PRMT3: variants seen among roughly 807,000 people sequenced by gnomAD.
The protein encoded by PRMT3 is protein arginine methyltransferase 3.
A neutral mutation model predicts 71.9 loss-of-function variants in PRMT3; 62 were observed. That is an observed-to-expected ratio of 0.86 (90% CI 0.70 to 1.07). The LOEUF is 1.07. Ranked by LOEUF, PRMT3 falls within the 50% of genes least tolerant of loss-of-function variation. The pLI is 0.00. For missense variants in PRMT3, 663 were observed against 643.0 expected, an observed-to-expected ratio of 1.03 and a Z score of -0.34; for synonymous variants, 213 against 220.4, an observed-to-expected ratio of 0.97 and a Z score of 0.30.
At chr11:20,468,855 CATT>C (rs1009238417) in intron 13 of PRMT3, among the ~76,000 whole-genome samples, 1 of 151,956 alleles carries the variant, frequency 6.6e-6, no homozygotes, top group African/African-American at 2.4e-5. Context: ...TCATGAAAAA[CATT>C]ATCTTCTGCA....
rs566925272 is a variant in PRMT3 at position 20,452,607 on chromosome 11, C to G, written c.1072+399C>G. ...GAAATTATTCACGACTTCACTAAAT[C>G]TGTAAACCCGACTTCTCTGTGATTT... On this transcript the variant is annotated intron_variant, in intron 11 of 15. Transcript: ENST00000331079. 7.9e-5 allele frequency among the ~76,000 whole-genome samples: 12 copies of G among 152,308 alleles called. No homozygotes were observed. The East Asian group carries it at 1.7e-3, about 22-fold the overall frequency.
At chr11:20,450,447 T>G (rs1850123322) in intron 10 of PRMT3, among the ~76,000 whole-genome samples, 1 of 152,144 alleles carries the variant, frequency 6.6e-6, no homozygotes. Context: ...TTGAATCCCA[T>G]AAGTCCCTTG....
intron 10 of PRMT3, among the ~76,000 whole-genome samples, chr11:20,451,342 CTTGG>C (rs1008827889): frequency 6.6e-6 from 1 of 151,792 alleles, no homozygotes; most frequent in Non-Finnish European, 1.5e-5. Context: ...GTGGGTAATA[CTTGG>C]TTAAAATATG....
At chr11:20,427,725 C>CG (rs1359923896) in intron 10 of PRMT3, among the ~76,000 whole-genome samples, 1 of 149,346 alleles carries the variant, frequency 6.7e-6, no homozygotes, top group Non-Finnish European at 1.5e-5. Context: ...GACTCCACCT[C>CG]GAAAAAAAAA....
At chr11:20,491,805 T>TGGGG (rs752254819) in intron 13 of PRMT3, among the ~76,000 whole-genome samples, 8 of 152,188 alleles carry the variant, frequency 5.3e-5, no homozygotes, top group Non-Finnish European at 1.2e-4. Context: ...ATGCGTAATT[T>TGGGG]GGGGGTTAGG....
At chr11:20,404,074 A>G (rs1299688547) in intron 8 of PRMT3, among the ~76,000 whole-genome samples, 1 of 152,046 alleles carries the variant, frequency 6.6e-6, no homozygotes, top group Admixed American at 6.6e-5. Flanking sequence ...CACCTCGTGA[A>G]AAGTTTATAA....
At chr11:20,465,295 G>A (rs1424641905) in intron 13 of PRMT3, among the ~76,000 whole-genome samples, 32 of 151,866 alleles carry the variant, frequency 2.1e-4, no homozygotes, top group Admixed American at 2.1e-3. Context: ...GCTGTCAGGA[G>A]ACTCAAATTG....
chr11:20,431,600 T>C (rs1241917954), intron 10 of PRMT3, among the ~76,000 whole-genome samples: 1 of 152,144 alleles, frequency 6.6e-6, no homozygotes, highest in Non-Finnish European at 1.5e-5. Context: ...TTCTTAGGGC[T>C]TCTCCCTTGC....
At chr11:20,430,566 T>C (rs1021934156) in intron 10 of PRMT3, among the ~76,000 whole-genome samples, 1 of 152,200 alleles carries the variant, frequency 6.6e-6, no homozygotes, top group African/African-American at 2.4e-5. Context: ...TTTAATTTTA[T>C]ATTTTCATTT....
chr11:20,502,852 G>A (rs189159287), intron 15 of PRMT3, among the ~76,000 whole-genome samples: 45 of 152,114 alleles, frequency 3.0e-4, no homozygotes, highest in East Asian at 9.6e-4. Context: ...GAGAAAAGAA[G>A]TAAGGTAAAT....
At chr11:20,473,223 A>C (rs12418799) in intron 13 of PRMT3, among the ~76,000 whole-genome samples, 1 of 151,410 alleles carries the variant, frequency 6.6e-6, no homozygotes, top group Non-Finnish European at 1.5e-5. Flanking sequence ...TTGTGTCTCT[A>C]TCTTCTTCAC....
In PRMT3 at chr11:20,408,018, AATGGAT is replaced by A; in HGVS notation, c.882_887del (p.Met294_Asp295del). On this transcript the variant is annotated inframe_deletion, in exon 9 of 16. Transcript: ENST00000331079. ...ATCAATCTGAAATACTTTACCAGGC[AATGGAT>A]ATTATAAGGTACATATATTTTAAGC... 1 of 1,579,536 alleles carries A rather than the reference AATGGAT, an allele frequency of 6.3e-7. No homozygotes were observed. The highest frequency in any genetic ancestry group is 8.7e-7 in the Non-Finnish European group (1 of 1,150,500).
intron 13 of PRMT3, among the ~76,000 whole-genome samples, chr11:20,480,676 A>T (rs1430029427): frequency 6.6e-6 from 1 of 152,188 alleles, no homozygotes; most frequent in Non-Finnish European, 1.5e-5. Flanking sequence ...GCAGTGACTT[A>T]CACAAAGGCA....
At chr11:20,428,135 T>C (rs1849585973) in intron 10 of PRMT3, among the ~76,000 whole-genome samples, 1 of 152,114 alleles carries the variant, frequency 6.6e-6, no homozygotes, top group Non-Finnish European at 1.5e-5. Flanking sequence ...TTAGTCACAA[T>C]ATCAGTATTC....
chr11:20,392,855 T>C, intron 4 of PRMT3, 42 bp from the exon 5 acceptor site: 1 of 1,254,022 alleles, frequency 8.0e-7, no homozygotes. Context: ...GATTTTGTGA[T>C]TATATGTAAT....
chr11:20,503,700 A>G (rs1422812802), intron 15 of PRMT3, among the ~76,000 whole-genome samples: 1 of 151,126 alleles, frequency 6.6e-6, no homozygotes, highest in Non-Finnish European at 1.5e-5. Context: ...TCCTTTGGCT[A>G]TGCCACAGTT....
chr11:20,458,906 A>T (rs561325655), intron 11 of PRMT3, among the ~76,000 whole-genome samples: 1 of 152,058 alleles, frequency 6.6e-6, no homozygotes, highest in Non-Finnish European at 1.5e-5. Context: ...GTAAGTTACA[A>T]TTTTTTCTTA....
intron 15 of PRMT3, among the ~76,000 whole-genome samples, chr11:20,504,708 G>C (rs1326571985): frequency 4.0e-5 from 1 of 24,816 alleles, no homozygotes; most frequent in Non-Finnish European, 1.1e-4. Context: ...GTGTGTGTGT[G>C]AGAGAGAGAG....
chr11:20,494,337 G>T, intron 15 of PRMT3, 83 bp downstream of exon 15: 1 of 1,182,936 alleles, frequency 8.5e-7, no homozygotes, highest in Non-Finnish European at 1.2e-6. Flanking sequence ...CTTTTTATGT[G>T]CACACTATAT....
Sources: gnomAD v4.1 joint callset for allele counts (sites outside exome capture counted in the v4.1 genomes callset) on GRCh38, gnomAD v4.1.1 for gene constraint, MANE v1.5 for transcripts, NCBI Gene and HGNC (gene_info 2026-07-23, HGNC 2026-07-21) for gene names.